The following COL6A1 variants were observed in gnomAD, a reference collection of about 807,000 sequenced individuals.
COL6A1 encodes the protein collagen alpha-1(VI) chain.
Under a neutral mutation model 145.6 loss-of-function variants are expected in COL6A1, and 80 were observed. That is an observed-to-expected ratio of 0.55 (90% CI 0.46 to 0.66). The LOEUF (loss-of-function observed/expected upper bound fraction) is 0.66, where lower values mean the gene tolerates loss of function less well. COL6A1 is among the 30% of genes least tolerant of loss of function. The probability of loss-of-function intolerance (pLI) is 0.00; values close to 1 mark genes in which losing one functional copy is unlikely to be tolerated. For synonymous variants in COL6A1, 638 were observed against 622.8 expected, an observed-to-expected ratio of 1.02 and a Z score of -0.36; for missense variants, 1,364 against 1,473.8, an observed-to-expected ratio of 0.93 and a Z score of 1.22.
At chr21:46,002,127 C>A in intron 31 of COL6A1, 57 bp downstream of exon 31, 1 of 1,577,912 alleles carries the variant, frequency 6.3e-7, no homozygotes, top group East Asian at 2.3e-5. Flanking sequence ...GCTGTTCCCA[C>A]GGCAGGTCGG....
Position 46,004,414 on chromosome 21 carries a change from T to G in COL6A1, c.*401T>G. ...CCTCCTGCCTGCGCAGCTCCTTCCC[T>G]AGGCACCTCTGTGCTGCATCCCACC... On this transcript the variant is annotated 3_prime_UTR_variant, in exon 35 of 35. Transcript: ENST00000361866. The G allele has an allele frequency of 1.8e-5, 6 of 335,224 alleles. No individual in the cohort carries two copies. The highest frequency in any genetic ancestry group is 2.9e-5 in the Non-Finnish European group (5 of 174,974). The allele number at this position is 335,224 out of a possible 1,614,324, so 20.8% of individuals were successfully genotyped here.
rs748153811 is a variant in COL6A1 at position 45,987,510 on chromosome 21, C to A, written c.750C>A (p.Phe250Leu). 3 of 1,612,930 alleles carry A rather than the reference C, an allele frequency of 1.9e-6. No individual in the cohort carries two copies. The highest frequency in any genetic ancestry group is 1.3e-5 in the African/African-American group (1 of 74,932). The part of the protein sequence containing the change: ...KNNVEQVCCS[F>L]ECQPARGPPG... The stretch of plus-strand genomic sequence containing the variant: ...CTTTCCCCCCACAGTGCTGCTCCTT[C>A]GAATGCCAGGTGAGTGTGCCCCCCG... The change falls in exon 7 of 35, where the codon TTC becomes TTA. Residue 250 changes from phenylalanine (F) to leucine (L), a missense_variant. Physicochemically the swap from Phe to Leu is conservative, Grantham distance 22. Around this residue, in one of 3 missense-constraint regions of COL6A1, gnomAD observed 414 missense variants for 437.6 expected, o/e 0.95. Transcript: ENST00000361866.
intron 33 of COL6A1, 92 bp from the exon 34 acceptor site, chr21:46,003,028 C>T: frequency 6.3e-7 from 1 of 1,580,580 alleles, no homozygotes; most frequent in Non-Finnish European, 8.7e-7. Context: ...GCACGGCCAC[C>T]CCTGTGCTCG....
chr21:45,984,185 A>C, intron 2 of COL6A1, 84 bp from the exon 3 acceptor site: 1 of 1,352,578 alleles, frequency 7.4e-7, no homozygotes, highest in Non-Finnish European at 1.0e-6. Flanking sequence ...CAGCCTGTCC[A>C]TCTGGGTGAC....
At position 46,002,370 on chromosome 21, in the gene COL6A1, C is replaced by G. The variant is rs201581233; in HGVS notation, c.2219C>G (p.Pro740Arg). The G allele has an allele frequency of 6.3e-7, 1 of 1,594,658 alleles. No homozygotes were observed. The highest frequency in any genetic ancestry group is 1.3e-5 in the African/African-American group (1 of 74,696). The change falls in exon 32 of 35, where the codon CCG becomes CGG. Residue 740 changes from proline to arginine, a missense_variant. This residue lies in a region of COL6A1 where 938 missense variants were observed against 1,003.8 expected (regional missense o/e 0.93). Transcript: ENST00000361866. ...TCAGACACTCAGAGGGACACCACAC[C>G]GCTCAACGTGCTCTGCAGCCCCGGC... Reference protein sequence around the residue: ...GRSDTQRDTTPLNVLCSPGIQ... With the variant: ...GRSDTQRDTTRLNVLCSPGIQ...
chr21:45,988,838 C>G (rs997921889), intron 8 of COL6A1, among the ~76,000 whole-genome samples: 1 of 152,096 alleles, frequency 6.6e-6, no homozygotes, highest in South Asian at 2.1e-4. Context: ...CTGTGCTGCA[C>G]GTCCCTCCCA....
intron 8 of COL6A1, 26 bp downstream of exon 8, chr21:45,987,680 A>G (rs749512254): frequency 3.1e-6 from 5 of 1,601,130 alleles, no homozygotes; most frequent in East Asian, 2.2e-5. Context: ...TGCTCCTCCC[A>G]TGTGTTGTGG....
Position 46,001,284 on chromosome 21 carries a change from C to A in COL6A1, c.1854C>A (p.Phe618Leu), listed in dbSNP as rs372069776. 2 of 1,611,498 alleles carry A rather than the reference C, an allele frequency of 1.2e-6. No homozygotes were observed. The highest frequency in any genetic ancestry group is 2.2e-5 in the East Asian group (1 of 44,866). ...ECKCGPIDLL[F>L]VLDSSESIGL... Reference sequence around the variant, plus strand: ...AGTGCGGCCCCATCGACCTCCTGTTCGTGCTGGACAGCTCAGAGAGCATTG... The same window carrying A: ...AGTGCGGCCCCATCGACCTCCTGTTAGTGCTGGACAGCTCAGAGAGCATTG... The change falls in exon 30 of 35, where the codon TTC becomes TTA. Residue 618 changes from phenylalanine to leucine, a missense_variant. This residue lies in a region of COL6A1 where 938 missense variants were observed against 1,003.8 expected (regional missense o/e 0.93). Transcript: ENST00000361866.
At position 45,998,453 on chromosome 21, in the gene COL6A1, C is replaced by T. The variant is rs369940697; in HGVS notation, c.1611+20C>T. The T allele has an allele frequency of 2.4e-4, 383 of 1,613,102 alleles. No homozygotes were observed. Among genetic ancestry groups the T allele is most frequent in the Non-Finnish European group, 3.2e-4 (376 of 1,180,002 alleles). On this transcript the variant is annotated intron_variant, in intron 24 of 34. Coordinates refer to ENST00000361866, the MANE Select transcript of COL6A1 (RefSeq NM_001848.3). ...ATAAACGTGAGTACGCCCCCTCCTC[C>T]ATCTGGCTGTGGGCACACAAACATT...
At position 46,003,127 on chromosome 21, in the gene COL6A1, G is replaced by A. The variant is rs1569519181; in HGVS notation, c.2442G>A (p.Lys814=). 6.2e-7 allele frequency: 1 copy of A among 1,614,134 alleles called. No homozygotes were observed. The highest frequency in any genetic ancestry group is 1.1e-5 in the South Asian group (1 of 91,084). ...NVTAQICIDK[K]CPDYTCPITF... ...GGCTTTTCTCTTTTACAGACAAGAA[G>A]TGTCCAGATTACACCTGCCCCAGTG... The change falls in exon 34 of 35, where the codon AAG becomes AAA. Residue 814 remains lysine, a synonymous_variant. Coordinates refer to ENST00000361866, the MANE Select transcript of COL6A1 (RefSeq NM_001848.3).
chr21:45,987,367 T>G, intron 6 of COL6A1, 132 bp from the exon 7 acceptor site: 2 of 1,488,330 alleles, frequency 1.3e-6, no homozygotes, highest in Non-Finnish European at 1.9e-6. Flanking sequence ...CCCATGTGCC[T>G]GGGACATGTG....
chr21:45,985,866 G>A (rs1204654683), intron 3 of COL6A1, among the ~76,000 whole-genome samples: 1 of 152,236 alleles, frequency 6.6e-6, no homozygotes, highest in East Asian at 1.9e-4. Context: ...TGGAGTCTCA[G>A]GAAGTCGTCC....
At position 46,002,199 on chromosome 21, in the gene COL6A1, C is replaced by T. The variant is rs529377004; in HGVS notation, c.2067-19C>T. On this transcript the variant is annotated intron_variant, in intron 31 of 34. Coordinates refer to ENST00000361866, the MANE Select transcript of COL6A1 (RefSeq NM_001848.3). ...GCAGGCCTGGCCCCAACCGGCCCTT[C>T]CTGCCCTTTGCTATGCAGAGCCATC... 3 of 1,591,160 alleles carry T rather than the reference C, an allele frequency of 1.9e-6. No individual in the cohort carries two copies. The highest frequency in any genetic ancestry group is 4.5e-5 in the East Asian group (2 of 44,038).
intron 28 of COL6A1, 84 bp downstream of exon 28, chr21:46,000,451 CT>C (rs2077837034): frequency 6.7e-7 from 1 of 1,495,462 alleles, no homozygotes; most frequent in South Asian, 1.1e-5. Context: ...GGTGTCTCCA[CT>C]GTTGGGGGCC....
At chr21:46,002,491 C>T in intron 32 of COL6A1, 36 bp from the exon 33 acceptor site, 1 of 1,613,456 alleles carries the variant, frequency 6.2e-7, no homozygotes, top group Non-Finnish European at 8.5e-7. Context: ...GAGGGCAGAG[C>T]AGGCTGCGCC....
intron 9 of COL6A1, 59 bp from the exon 10 acceptor site, chr21:45,989,549 G>A: frequency 6.5e-7 from 1 of 1,546,112 alleles, no homozygotes; most frequent in Non-Finnish European, 8.9e-7. Flanking sequence ...GGGCTGGGTG[G>A]GACTGGCCCC....
chr21:46,000,670 C>T lies in COL6A1; in HGVS notation c.1814-89C>T, dbSNP rs896976115. On this transcript the variant is annotated intron_variant, in intron 28 of 34. Transcript: ENST00000361866. ...CGGGGAAGGAGGGCGGCCGGGGAGG[C>T]GGGGAGGCTGCCCCAAGAGTAAAAG... 51 of 1,417,366 alleles carry T rather than the reference C, an allele frequency of 3.6e-5. No individual in the cohort carries two copies. The African/African-American group carries it at 4.6e-4, about 13-fold the overall frequency. 87.8% of individuals were successfully genotyped at this position (1,417,366 alleles called of 1,614,324 possible). A position where few individuals can be genotyped will look rare whatever the true frequency, so the allele number is the denominator to read the frequency against.
rs554582496 is a variant in COL6A1, at chr21:45,985,079, C to G, written c.428+610C>G. On this transcript the variant is annotated intron_variant, in intron 3 of 34. Transcript: ENST00000361866. Reference sequence around the variant, plus strand: ...AGTCAGAGACAGACAGAGACAGAGACAGAAACAGAGACAGAGAGACAGAGA... The same window carrying G: ...AGTCAGAGACAGACAGAGACAGAGAGAGAAACAGAGACAGAGAGACAGAGA... Among the ~76,000 whole-genome samples the G allele has an allele frequency of 2.0e-5, 3 of 148,078 alleles. No individual in the cohort carries two copies. The South Asian group carries it at 6.5e-4, about 32-fold the overall frequency.
At chr21:45,992,463 G>A (rs894367277) in intron 18 of COL6A1, 65 bp downstream of exon 18, 20 of 1,555,254 alleles carry the variant, frequency 1.3e-5, no homozygotes, top group African/African-American at 5.4e-5. Flanking sequence ...TGGCCTCTGC[G>A]GCCCAGTCTG....
Sources: gnomAD v4.1 joint callset for allele counts (sites outside exome capture counted in the v4.1 genomes callset) on GRCh38, gnomAD v4.1.1 for gene constraint, gnomAD v4.1.1 regional missense constraint, MANE v1.5 for transcripts, NCBI Gene and HGNC (gene_info 2026-07-23, HGNC 2026-07-21) for gene names.